The following ABRA variants were observed in gnomAD, a reference collection of about 807,000 sequenced individuals.
ABRA encodes the protein actin binding Rho activating protein.
Under a neutral mutation model 33.4 loss-of-function variants are expected in ABRA, and 25 were observed. The observed-to-expected ratio is 0.75, with a 90% confidence interval of 0.55 to 1.04. ABRA has a LOEUF of 1.04. ABRA is among the 50% of genes least tolerant of loss of function. The probability of loss-of-function intolerance (pLI) is 0.00; values close to 1 mark genes in which losing one functional copy is unlikely to be tolerated. For missense variants in ABRA, 501 were observed against 491.7 expected, an observed-to-expected ratio of 1.02 and a Z score of -0.18; for synonymous variants, 193 against 176.8, an observed-to-expected ratio of 1.09 and a Z score of -0.73.
At position 106,760,829 on chromosome 8, in the gene ABRA, T is replaced by C; in HGVS notation, c.*208A>G. 1.7e-6 allele frequency: 1 copy of C among 584,352 alleles called. No individual in the cohort carries two copies. The highest frequency in any genetic ancestry group is 2.2e-5 in the South Asian group (1 of 45,504). 36.2% of individuals were successfully genotyped at this position (584,352 alleles called of 1,614,324 possible). A position where few individuals can be genotyped will look rare whatever the true frequency, so the allele number is the denominator to read the frequency against. Reference sequence around the variant, plus strand: ...TAATACTATTATTATACATTAACATTCTATGTGCTTTCTGAAATGCTTTGT... The same window carrying C: ...TAATACTATTATTATACATTAACATCCTATGTGCTTTCTGAAATGCTTTGT... On this transcript the variant is annotated 3_prime_UTR_variant, in exon 2 of 2. Transcript: ENST00000311955.
rs1191923260 is a variant in ABRA, at chr8:106,760,775, A to T, written c.*262T>A. ...AAAGAGAATCTGTCTCAAAACAAAA[A>T]CAAAAACACCCTGTGGAATTTCAAC... On this transcript the variant is annotated 3_prime_UTR_variant, in exon 2 of 2. Coordinates refer to ENST00000311955, the MANE Select transcript of ABRA (RefSeq NM_139166.5). The T allele has an allele frequency of 2.4e-6, 1 of 411,600 alleles. No homozygotes were observed. The highest frequency in any genetic ancestry group is 4.5e-5 in the East Asian group (1 of 22,290). 25.5% of individuals were successfully genotyped at this position (411,600 alleles called of 1,614,324 possible).
Position 106,760,425 on chromosome 8 carries a change from T to G in ABRA, c.*612A>C. On this transcript the variant is annotated 3_prime_UTR_variant, in exon 2 of 2. Transcript: ENST00000311955. Reference sequence around the variant, plus strand: ...ATATATGTGCTTGTTTTGTAAGTGATGCTATGATATAAACAATAATACAAA... The same window carrying G: ...ATATATGTGCTTGTTTTGTAAGTGAGGCTATGATATAAACAATAATACAAA... 1 of 152,232 alleles carries G rather than the reference T, an allele frequency of 6.6e-6. No homozygotes were observed. The highest frequency in any genetic ancestry group is 1.5e-5 in the Non-Finnish European group (1 of 68,038). 9.4% of individuals were successfully genotyped at this position (152,232 alleles called of 1,614,324 possible). A position where few individuals can be genotyped will look rare whatever the true frequency, so the allele number is the denominator to read the frequency against.
Position 106,769,981 on chromosome 8 carries a change from A to T in ABRA, c.210T>A (p.Thr70=), listed in dbSNP as rs766289121. 3 of 1,613,772 alleles carry T rather than the reference A, an allele frequency of 1.9e-6. No individual in the cohort carries two copies. In the Admixed American group the frequency reaches 5.0e-5, roughly 27 times the overall value. ...PQAPKPITPP[T]SHQKAQSAPK... is the part of the protein sequence containing the mutation. ...GGGCACTCTGAGCTTTCTGGTGTGA[A>T]GTAGGGGGTGTGATTGGTTTAGGAG... Residue 70 remains threonine (T), a synonymous_variant, in exon 1 of 2, where the codon ACT becomes ACA. Coordinates refer to ENST00000311955, the MANE Select transcript of ABRA (RefSeq NM_139166.5).
chr8:106,769,498 G>A (rs747889701), intron 1 of ABRA, 25 bp downstream of exon 1: 3 of 1,596,818 alleles, frequency 1.9e-6, no homozygotes, highest in Non-Finnish European at 2.6e-6. Context: ...CCTGACACAA[G>A]GAGTGGGAGA....
intron 1 of ABRA, among the ~76,000 whole-genome samples, chr8:106,762,587 CTCACCT>C (rs1286287875): frequency 1.3e-5 from 2 of 152,090 alleles, no homozygotes; most frequent in Non-Finnish European, 2.9e-5. Flanking sequence ...ACCACATGTT[CTCACCT>C]GTAAGTGGGA....
rs549272591 is a variant in ABRA, at chr8:106,761,563, G to A, written c.669-49C>T. 2.0e-5 allele frequency: 30 copies of A among 1,485,994 alleles called. No homozygotes were observed. The South Asian group carries it at 3.2e-4, about 16-fold the overall frequency. 92.1% of individuals were successfully genotyped at this position (1,485,994 alleles called of 1,614,324 possible). A position where few individuals can be genotyped will look rare whatever the true frequency, so the allele number is the denominator to read the frequency against. On this transcript the variant is annotated intron_variant, in intron 1 of 1. Coordinates refer to ENST00000311955, the MANE Select transcript of ABRA (RefSeq NM_139166.5). ...ATCAAGATTCAGATATGTTAACACC[G>A]AGTGTTGTTTTCCCTTTGTACTTCC...
chr8:106,767,828 G>A (rs1210297925), intron 1 of ABRA, among the ~76,000 whole-genome samples: 6 of 152,066 alleles, frequency 3.9e-5, no homozygotes, highest in African/African-American at 7.2e-5. Context: ...GGCCGCGTGC[G>A]GTGGCTCATG....
At chr8:106,768,253 T>C (rs918842443) in intron 1 of ABRA, among the ~76,000 whole-genome samples, 3 of 152,220 alleles carry the variant, frequency 2.0e-5, no homozygotes, top group African/African-American at 7.2e-5. Flanking sequence ...ATTTTTCTTA[T>C]ATTTTGATAC....
At chr8:106,766,086 A>G (rs768151644) in intron 1 of ABRA, among the ~76,000 whole-genome samples, 2 of 152,150 alleles carry the variant, frequency 1.3e-5, no homozygotes, top group Non-Finnish European at 2.9e-5. Context: ...AACTGCTATT[A>G]TTTTCACTGA....
chr8:106,761,305 G>C lies in ABRA; in HGVS notation c.878C>G (p.Thr293Ser). The change falls in exon 2 of 2, where the codon ACC (threonine) becomes AGC (serine). Residue 293 changes from threonine to serine, a missense_variant. By Grantham distance (58) the Thr-to-Ser change is moderately conservative (BLOSUM62 1). Coordinates refer to ENST00000311955, the MANE Select transcript of ABRA (RefSeq NM_139166.5). ...ACGCTTGGCCCTTTCAGCAGTTTTGGTTCCTTCTTTGGGGCGGCCATAGCC... is the reference window on the plus strand; with the variant it reads ...ACGCTTGGCCCTTTCAGCAGTTTTGCTTCCTTCTTTGGGGCGGCCATAGCC... ...DEGYGRPKEG[T>S]KTAERAKRAE... 1 of 1,614,074 alleles carries C rather than the reference G, an allele frequency of 6.2e-7. No homozygotes were observed. The highest frequency in any genetic ancestry group is 2.2e-5 in the East Asian group (1 of 44,900).
intron 1 of ABRA, among the ~76,000 whole-genome samples, chr8:106,766,418 T>A (rs970836239): frequency 2.0e-5 from 3 of 152,034 alleles, no homozygotes; most frequent in African/African-American, 7.3e-5. Context: ...TATTGGCAGA[T>A]ACAGGGAGAG....
intron 1 of ABRA, among the ~76,000 whole-genome samples, 170 bp from the exon 2 acceptor site, chr8:106,761,684 G>GTCCC (rs1836143093): frequency 6.6e-6 from 1 of 152,054 alleles, no homozygotes; most frequent in Non-Finnish European, 1.5e-5. Flanking sequence ...ATCATACATA[G>GTCCC]TCCCACCGTT....
chr8:106,768,989 T>G (rs1317558949), intron 1 of ABRA, among the ~76,000 whole-genome samples: 1 of 152,138 alleles, frequency 6.6e-6, no homozygotes, highest in Non-Finnish European at 1.5e-5. Context: ...GATTTGAACT[T>G]GGGTCTGTCT....
chr8:106,764,566 C>G lies in ABRA; in HGVS notation c.669-3052G>C, dbSNP rs866122516. On this transcript the variant is annotated intron_variant, in intron 1 of 1. Coordinates refer to ENST00000311955, the MANE Select transcript of ABRA (RefSeq NM_139166.5). ...ACTCAGGAGGCTGAGGCAGGAGAAT[C>G]TCTTGAATCTGTTAGGCAGAGATTG... Among the ~76,000 whole-genome samples the G allele has an allele frequency of 9.2e-5, 14 of 152,284 alleles. No homozygotes were observed. The South Asian group carries it at 2.9e-3, about 32-fold the overall frequency.
chr8:106,767,884 C>T (rs1303623221), intron 1 of ABRA, among the ~76,000 whole-genome samples: 1 of 152,152 alleles, frequency 6.6e-6, no homozygotes, highest in Non-Finnish European at 1.5e-5. Context: ...CACCTGAGGT[C>T]AGGAGTTCGA....
intron 1 of ABRA, among the ~76,000 whole-genome samples, chr8:106,763,120 C>T (rs1184416611): frequency 6.6e-6 from 1 of 152,228 alleles, no homozygotes; most frequent in Admixed American, 6.5e-5. Context: ...GGGTATCCCT[C>T]ACCATCCAAA....
At chr8:106,768,330 C>T (rs942742570) in intron 1 of ABRA, among the ~76,000 whole-genome samples, 25 of 152,028 alleles carry the variant, frequency 1.6e-4, no homozygotes, top group Non-Finnish European at 2.9e-4. Flanking sequence ...AAATAAAGCA[C>T]GTGTTTCTTG....
At chr8:106,765,687 G>A (rs1326560375) in intron 1 of ABRA, among the ~76,000 whole-genome samples, 1 of 152,012 alleles carries the variant, frequency 6.6e-6, no homozygotes, top group African/African-American at 2.4e-5. Flanking sequence ...TTTCAGCTTC[G>A]TTTGAGAGCC....
intron 1 of ABRA, among the ~76,000 whole-genome samples, chr8:106,768,686 TA>T (rs1307114657): frequency 6.6e-6 from 1 of 152,118 alleles, no homozygotes; most frequent in African/African-American, 2.4e-5. Flanking sequence ...CAGGCTGGAG[TA>T]CAGTGGCATG....
Sources: gnomAD v4.1 joint callset for allele counts (sites outside exome capture counted in the v4.1 genomes callset) on GRCh38, gnomAD v4.1.1 for gene constraint, MANE v1.5 for transcripts, NCBI Gene and HGNC (gene_info 2026-07-23, HGNC 2026-07-21) for gene names.